The following EXOC6B variants were observed in gnomAD, a reference collection of about 807,000 sequenced individuals.
EXOC6B encodes the protein SEC15 homolog B.
Under a neutral mutation model 113.5 loss-of-function variants are expected in EXOC6B, and 54 were observed. That is an observed-to-expected ratio of 0.48 (90% CI 0.38 to 0.60). EXOC6B has a LOEUF of 0.60. Ranked by LOEUF, EXOC6B falls within the 20% of genes least tolerant of loss-of-function variation. The probability of loss-of-function intolerance (pLI) is 0.00; values close to 1 mark genes in which losing one functional copy is unlikely to be tolerated. For missense variants in EXOC6B, 797 were observed against 977.5 expected, an observed-to-expected ratio of 0.82 and a Z score of 2.46; for synonymous variants, 357 against 339.0, an observed-to-expected ratio of 1.05 and a Z score of -0.58.
chr2:72,502,242 T>C (rs1558738139), intron 11 of EXOC6B, among the ~76,000 whole-genome samples: 1 of 152,212 alleles, frequency 6.6e-6, no homozygotes, highest in Non-Finnish European at 1.5e-5. Context: ...AATAAGAAGT[T>C]CTAGAAGATA....
intron 11 of EXOC6B, among the ~76,000 whole-genome samples, chr2:72,509,981 A>G (rs1030555716): frequency 6.6e-6 from 1 of 152,056 alleles, no homozygotes; most frequent in Non-Finnish European, 1.5e-5. Flanking sequence ...TAACAGGCAC[A>G]TGCCATCATG....
chr2:72,220,066 A>T (rs900259317), intron 20 of EXOC6B, among the ~76,000 whole-genome samples: 21 of 152,214 alleles, frequency 1.4e-4, no homozygotes, highest in African/African-American at 5.1e-4. Flanking sequence ...GAGATTAAGT[A>T]GCCAATAAAC....
At chr2:72,242,563 A>C (rs1682381678) in intron 20 of EXOC6B, among the ~76,000 whole-genome samples, 1 of 152,170 alleles carries the variant, frequency 6.6e-6, no homozygotes, top group African/African-American at 2.4e-5. Flanking sequence ...AATGAAAGAC[A>C]AAAAAAGGAA....
intron 6 of EXOC6B, among the ~76,000 whole-genome samples, chr2:72,650,458 G>A (rs561909884): frequency 1.4e-4 from 21 of 152,184 alleles, no homozygotes; most frequent in Admixed American, 2.0e-4. Flanking sequence ...AAAACTAGCC[G>A]GGCATGGTGG....
intron 19 of EXOC6B, among the ~76,000 whole-genome samples, chr2:72,361,976 C>T (rs780960109): frequency 6.6e-6 from 1 of 152,022 alleles, no homozygotes; most frequent in Non-Finnish European, 1.5e-5. Context: ...CTCAGTGAGA[C>T]CAAGAATTTA....
intron 6 of EXOC6B, among the ~76,000 whole-genome samples, chr2:72,618,255 G>A (rs1008090928): frequency 3.9e-5 from 6 of 152,120 alleles, no homozygotes. Flanking sequence ...TGTAATCTCA[G>A]CCACTTGGGA....
intron 6 of EXOC6B, among the ~76,000 whole-genome samples, chr2:72,662,091 CG>C (rs1048485292): frequency 8.1e-5 from 7 of 85,996 alleles, no homozygotes; most frequent in Non-Finnish European, 1.3e-4. Context: ...GGGGGAGGGA[CG>C]GGGGAGGGAA....
chr2:72,333,102 C>T (rs1368393259), intron 20 of EXOC6B, among the ~76,000 whole-genome samples: 2 of 151,964 alleles, frequency 1.3e-5, no homozygotes, highest in East Asian at 3.9e-4. Flanking sequence ...GAGGCATACT[C>T]TTTCATTACC....
chr2:72,648,966 C>A (rs928185169), intron 6 of EXOC6B, among the ~76,000 whole-genome samples: 4 of 152,014 alleles, frequency 2.6e-5, no homozygotes, highest in African/African-American at 9.7e-5. Flanking sequence ...GATGGTGAGA[C>A]CCCTGTCTCT....
chr2:72,405,425 G>A (rs1398723353), intron 18 of EXOC6B, among the ~76,000 whole-genome samples: 1 of 152,162 alleles, frequency 6.6e-6, no homozygotes, highest in Admixed American at 6.5e-5. Flanking sequence ...TTCAAATGAA[G>A]GACAAAATGT....
intron 1 of EXOC6B, among the ~76,000 whole-genome samples, chr2:72,810,253 G>A (rs1685817036): frequency 6.6e-6 from 1 of 151,830 alleles, no homozygotes; most frequent in Non-Finnish European, 1.5e-5. Context: ...GGTGGTGCAC[G>A]CCTATATTCC....
intron 11 of EXOC6B, among the ~76,000 whole-genome samples, chr2:72,511,923 A>G (rs1243836108): frequency 6.6e-6 from 1 of 152,112 alleles, no homozygotes; most frequent in Admixed American, 6.6e-5. Flanking sequence ...GCACAACTAG[A>G]TGGATACTAC....
At chr2:72,436,943 G>A (rs979641150) in intron 18 of EXOC6B, among the ~76,000 whole-genome samples, 1 of 152,056 alleles carries the variant, frequency 6.6e-6, no homozygotes, top group Non-Finnish European at 1.5e-5. Context: ...TTGTTCTCTT[G>A]CTTATGAGGA....
chr2:72,662,310 C>T (rs562563457), intron 6 of EXOC6B, among the ~76,000 whole-genome samples: 1 of 152,296 alleles, frequency 6.6e-6, no homozygotes, highest in Non-Finnish European at 1.5e-5. Flanking sequence ...TCATGATCCA[C>T]TTTCTAAAAA....
rs557355981 is a variant in EXOC6B, at chr2:72,305,025, A to G, written c.2196+29922T>C. On this transcript the variant is annotated intron_variant, in intron 20 of 21. Coordinates refer to ENST00000272427, the MANE Select transcript of EXOC6B (RefSeq NM_015189.3). Reference sequence around the variant, plus strand: ...AGATCAAGAAGTTCCTGAGAGGTACACTAAATCAGAATAACTGCAAGTCAC... The same window carrying G: ...AGATCAAGAAGTTCCTGAGAGGTACGCTAAATCAGAATAACTGCAAGTCAC... Among the ~76,000 whole-genome samples, 4 of 152,338 alleles carry G rather than the reference A, an allele frequency of 2.6e-5. No individual in the cohort carries two copies. In the East Asian group the frequency reaches 7.7e-4, roughly 29 times the overall value.
rs555092653 is a variant in EXOC6B, at chr2:72,503,292, A to G, written c.1168-3320T>C. Among the ~76,000 whole-genome samples, 22 of 152,262 alleles carry G rather than the reference A, an allele frequency of 1.4e-4. No individual in the cohort carries two copies. The South Asian group carries it at 4.6e-3, about 32-fold the overall frequency. The stretch of plus-strand genomic sequence containing the variant: ...ATAAATTGATATGTTCCACCATCAT[A>G]TTATCATTGAGAACTATTTTGCTGT... On this transcript the variant is annotated intron_variant, in intron 11 of 21. Transcript: ENST00000272427.
intron 17 of EXOC6B, among the ~76,000 whole-genome samples, chr2:72,472,999 T>C (rs1698505128): frequency 6.6e-6 from 1 of 152,302 alleles, no homozygotes; most frequent in African/African-American, 2.4e-5. Flanking sequence ...ATGTTTCTCT[T>C]GGTATTGATT....
chr2:72,387,446 A>G (rs901760854), intron 18 of EXOC6B, among the ~76,000 whole-genome samples: 27 of 152,164 alleles, frequency 1.8e-4, no homozygotes, highest in African/African-American at 6.5e-4. Context: ...CTAGTGAAGA[A>G]ATCTCAGCCT....
At chr2:72,823,479 C>CAAAAAAAA (rs1214480106) in intron 1 of EXOC6B, among the ~76,000 whole-genome samples, 2 of 95,342 alleles carry the variant, frequency 2.1e-5, no homozygotes, top group East Asian at 3.2e-4. Flanking sequence ...AAAAAAAAAA[C>CAAAAAAAA]AAAAAACAAA....
Sources: allele counts gnomAD v4.1 joint callset (sites outside exome capture counted in the v4.1 genomes callset), GRCh38; gene constraint gnomAD v4.1.1; transcripts MANE v1.5; gene names NCBI Gene and HGNC (gene_info 2026-07-23, HGNC 2026-07-21).